PCDHA10: variants seen among roughly 807,000 people sequenced by gnomAD.
PCDHA10 encodes the protein protocadherin alpha 10, also known as protocadherin alpha-10.
A neutral mutation model predicts 61.2 loss-of-function variants in PCDHA10; 45 were observed. The ratio of observed to expected loss-of-function variants is 0.74; its 90% CI spans 0.58 to 0.94. The LOEUF (loss-of-function observed/expected upper bound fraction) is 0.94, where lower values mean the gene tolerates loss of function less well. Among genes scored for constraint, PCDHA10 ranks in the 40% least tolerant of loss-of-function variants. PCDHA10 has a pLI of 0.00. For missense variants in PCDHA10, 1,278 were observed against 1,236.2 expected, an observed-to-expected ratio of 1.03 and a Z score of -0.51; for synonymous variants, 602 against 548.8, an observed-to-expected ratio of 1.10 and a Z score of -1.35.
At chr5:140,909,170 G>A (rs1381735874) in intron 1 of PCDHA10, among the ~76,000 whole-genome samples, 1 of 152,188 alleles carries the variant, frequency 6.6e-6, no homozygotes, top group Non-Finnish European at 1.5e-5. Flanking sequence ...AATCAATCAA[G>A]TTCTCTCCAA....
rs2098418669 is a variant in PCDHA10 at position 141,010,882 on chromosome 5, G to C, written c.*945G>C. On this transcript the variant is annotated 3_prime_UTR_variant, in exon 4 of 4. Transcript: ENST00000307360. ...GTCTATAGCTATAAATCTTTAAAGAGAAATATGAATACAATTCCCCTAAAC... is the reference window on the plus strand; with the variant it reads ...GTCTATAGCTATAAATCTTTAAAGACAAATATGAATACAATTCCCCTAAAC... The C allele has an allele frequency of 6.5e-6, 1 of 153,674 alleles. No homozygotes were observed. The allele number at this position is 153,674 out of a possible 1,614,324, so 9.5% of individuals were successfully genotyped here.
At chr5:140,961,001 C>A (rs2095583358) in intron 1 of PCDHA10, among the ~76,000 whole-genome samples, 1 of 152,144 alleles carries the variant, frequency 6.6e-6, no homozygotes, top group Non-Finnish European at 1.5e-5. Context: ...CAATTTGCTG[C>A]TGGACTGCAT....
chr5:140,966,816 G>A lies in PCDHA10; in HGVS notation c.2389-12133G>A, dbSNP rs1448171487. On this transcript the variant is annotated intron_variant, in intron 1 of 3. Transcript: ENST00000307360. ...GCGGCGACAGAGCATCCACGGCTCC[G>A]GCGGCCCATGCCCTGGCTGCTGCTA... 5.2e-6 allele frequency: 8 copies of A among 1,553,302 alleles called. No homozygotes were observed. The East Asian group carries it at 7.2e-5, about 14-fold the overall frequency.
At chr5:140,862,045 A>T (rs544547077) in intron 1 of PCDHA10, 1 of 155,812 alleles carries the variant, frequency 6.4e-6, no homozygotes, top group South Asian at 2.0e-4. Context: ...AAACCGTCAC[A>T]TTGTTTCTTT....
chr5:141,001,130 T>C (rs1233424080), intron 3 of PCDHA10, among the ~76,000 whole-genome samples: 1 of 152,036 alleles, frequency 6.6e-6, no homozygotes, highest in African/African-American at 2.4e-5. Context: ...CTTAAACAAA[T>C]GAATCTTCTG....
intron 1 of PCDHA10, among the ~76,000 whole-genome samples, chr5:140,932,733 C>A (rs2088585680): frequency 1.3e-5 from 2 of 151,034 alleles, no homozygotes; most frequent in Admixed American, 6.6e-5. Context: ...TAATATAGAC[C>A]CTCAAATCAG....
chr5:140,856,580 G>A lies in PCDHA10; in HGVS notation c.532G>A (p.Val178Ile), dbSNP rs537848812. 23 of 1,597,760 alleles carry A rather than the reference G, an allele frequency of 1.4e-5. 2 individuals carry two copies. In the South Asian group the frequency reaches 2.5e-4, roughly 18 times the overall value. Residue 178 changes from valine to isoleucine, a missense_variant, in exon 1 of 4, where the codon GTT becomes ATT. Physicochemically the swap from Val to Ile is conservative, Grantham distance 29. Coordinates refer to ENST00000307360, the MANE Select transcript of PCDHA10 (RefSeq NM_018901.4). Reference protein sequence around the residue: ...TYKLSPNEYFVLDIINKKDKD... With the variant: ...TYKLSPNEYFILDIINKKDKD... ...CAAACTCAGTCCAAATGAGTATTTT[G>A]TTCTTGATATTATAAACAAAAAAGA...
chr5:140,999,528 T>A (rs1414595805), intron 3 of PCDHA10, among the ~76,000 whole-genome samples: 1 of 152,080 alleles, frequency 6.6e-6, no homozygotes, highest in Non-Finnish European at 1.5e-5. Context: ...TGTTACCCCC[T>A]GGATATGACA....
At chr5:140,992,187 G>C (rs1395618041) in intron 3 of PCDHA10, among the ~76,000 whole-genome samples, 1 of 152,118 alleles carries the variant, frequency 6.6e-6, no homozygotes, top group Non-Finnish European at 1.5e-5. Flanking sequence ...CATGCTTTCA[G>C]TGATCTATCC....
At chr5:140,968,236 T>C in intron 1 of PCDHA10, 1 of 1,614,006 alleles carries the variant, frequency 6.2e-7, no homozygotes, top group East Asian at 2.2e-5. Flanking sequence ...TGCTCTGTAC[T>C]GTGCAAGCCA....
At position 140,912,557 on chromosome 5, in the gene PCDHA10, A is replaced by T. The variant is rs1220242152; in HGVS notation, c.2388+54121A>T. On this transcript the variant is annotated intron_variant, in intron 1 of 3. Transcript: ENST00000307360. ...GATCATATTGTCAGCAAACAGCAAC[A>T]GTTTTAACTTCCTCTTTTCCAATTT... Among the ~76,000 whole-genome samples the T allele has an allele frequency of 4.6e-5, 7 of 152,154 alleles. No individual in the cohort carries two copies. The South Asian group carries it at 1.5e-3, about 32-fold the overall frequency.
chr5:140,897,671 C>T (rs1329195952), intron 1 of PCDHA10, among the ~76,000 whole-genome samples: 1 of 152,066 alleles, frequency 6.6e-6, no homozygotes, highest in Non-Finnish European at 1.5e-5. Flanking sequence ...GTCTTTATAG[C>T]AGCATGATTT....
intron 3 of PCDHA10, among the ~76,000 whole-genome samples, chr5:141,007,748 T>C (rs188910603): frequency 1.3e-3 from 195 of 152,298 alleles, no homozygotes; most frequent in African/African-American, 4.4e-3. Context: ...GAAGATAACT[T>C]TGGACTCTTA....
intron 1 of PCDHA10, chr5:140,928,717 T>C: frequency 6.2e-7 from 1 of 1,614,208 alleles, no homozygotes; most frequent in Non-Finnish European, 8.5e-7. Context: ...CTCTAGTCTC[T>C]TTAGAATTTC....
intron 3 of PCDHA10, among the ~76,000 whole-genome samples, chr5:141,006,117 T>C (rs2098255751): frequency 6.6e-6 from 1 of 152,094 alleles, no homozygotes; most frequent in African/African-American, 2.4e-5. Flanking sequence ...TTTTTTTTTT[T>C]TTCTCAAGGC....
At chr5:140,889,733 A>T (rs192682337) in intron 1 of PCDHA10, among the ~76,000 whole-genome samples, 1 of 152,316 alleles carries the variant, frequency 6.6e-6, no homozygotes, top group Admixed American at 6.5e-5. Context: ...CTCACTGAGT[A>T]GCAGAGTCTA....
chr5:140,874,132 A>T (rs181983769), intron 1 of PCDHA10, among the ~76,000 whole-genome samples: 8 of 152,358 alleles, frequency 5.3e-5, no homozygotes, highest in Non-Finnish European at 1.2e-4. Flanking sequence ...TATTTAAGTT[A>T]TCTTATACTT....
chr5:140,870,708 C>T (rs781841032), intron 1 of PCDHA10: 4 of 1,612,898 alleles, frequency 2.5e-6, no homozygotes, highest in Admixed American at 1.7e-5. Context: ...TCCAGGTGAG[C>T]GCGCGCGATG....
intron 1 of PCDHA10, among the ~76,000 whole-genome samples, chr5:140,916,853 T>G (rs1233420106): frequency 1.3e-5 from 2 of 152,160 alleles, no homozygotes; most frequent in East Asian, 3.9e-4. Flanking sequence ...AGCCCAGCAC[T>G]AGGAGTTACC....
Sources: gnomAD v4.1 joint callset for allele counts (sites outside exome capture counted in the v4.1 genomes callset) on GRCh38, gnomAD v4.1.1 for gene constraint, MANE v1.5 for transcripts, NCBI Gene and HGNC (gene_info 2026-07-23, HGNC 2026-07-21) for gene names.